XG: variants seen among roughly 807,000 people sequenced by gnomAD.
XG encodes the protein Xg glycoprotein (Xg blood group).
In XG, 24 loss-of-function variants were observed where a neutral mutation model predicts 25.7. The observed-to-expected ratio is 0.93, with a 90% CI of 0.68 to 1.31. XG has a LOEUF of 1.31. XG is among the 40% of genes most tolerant of loss of function. The pLI is 0.00. For synonymous variants in XG, 77 were observed against 69.2 expected (o/e 1.11, Z -0.56); for missense variants, 181 against 187.6 (o/e 0.96, Z 0.21).
rs144684459 is a variant in XG, at chrX:2,759,856, G to A, written c.61+7521G>A. 6.6e-4 allele frequency among the ~76,000 whole-genome samples: 100 copies of A among 152,372 alleles called. 4 individuals are homozygous for A. The East Asian group carries it at 0.015, about 23-fold the overall frequency. ...GATTCCCCCGATGGATCAGGGGCCA[G>A]AGGCACCTAAACCTGTGAGCGATGT... On this transcript the variant is annotated intron_variant, in intron 1 of 10. Transcript: ENST00000644266.
intron 1 of XG, among the ~76,000 whole-genome samples, chrX:2,761,509 G>C (rs1260492277): frequency 6.6e-6 from 1 of 152,132 alleles, no homozygotes; most frequent in Non-Finnish European, 1.5e-5. Flanking sequence ...CATGCACATA[G>C]AGGGATGACC....
At chrX:2,757,613 T>C (rs755926893) in intron 1 of XG, among the ~76,000 whole-genome samples, 4 of 151,974 alleles carry the variant, frequency 2.6e-5, no homozygotes, top group African/African-American at 9.7e-5. Flanking sequence ...GTGCCAAGTA[T>C]TTTTCATTAC....
intron 1 of XG, among the ~76,000 whole-genome samples, chrX:2,757,483 A>T (rs185791403): frequency 6.6e-6 from 1 of 151,876 alleles, no homozygotes; most frequent in Non-Finnish European, 1.5e-5. Context: ...GTGCATTTGT[A>T]TAGAGCTGTG....
At chrX:2,809,166 A>C (rs1285955773) in intron 9 of XG, among the ~76,000 whole-genome samples, 1 of 111,104 alleles carries the variant, frequency 9.0e-6, no homozygotes, top group African/African-American at 3.3e-5. Flanking sequence ...GTGTCAGGGA[A>C]GATGGTGCAC....
At chrX:2,766,028 A>G (rs981703307) in intron 1 of XG, among the ~76,000 whole-genome samples, 1 of 152,274 alleles carries the variant, frequency 6.6e-6, no homozygotes, top group African/African-American at 2.4e-5. Flanking sequence ...TGGTTCATCC[A>G]AGTCTGGACA....
intron 4 of XG, among the ~76,000 whole-genome samples, chrX:2,785,822 G>T (rs748883386): frequency 9.0e-6 from 1 of 111,210 alleles, no homozygotes; most frequent in Non-Finnish European, 1.9e-5. Flanking sequence ...AATGTGTAAC[G>T]TCCCTCCAAG....
intron 3 of XG, among the ~76,000 whole-genome samples, chrX:2,777,668 A>G (rs916472640): frequency 6.6e-6 from 1 of 152,236 alleles, no homozygotes; most frequent in Non-Finnish European, 1.5e-5. Flanking sequence ...AAAAAAGAAG[A>G]AAAGTAAAAT....
chrX:2,789,651 C>T lies in XG; in HGVS notation c.198C>T (p.Tyr66=). The T allele has an allele frequency of 8.6e-7, 1 of 1,169,345 alleles. No individual in the cohort carries two copies. Among genetic ancestry groups the T allele is most frequent in the Non-Finnish European group, 1.1e-6 (1 of 872,331 alleles). Residue 66 remains tyrosine (Y), a synonymous_variant, in exon 5 of 11, where the codon TAC becomes TAT. Coordinates refer to ENST00000644266, the MANE Select transcript of XG (RefSeq NM_001141919.2). ...PENPDSGGNI[Y]PRPKPRPQPQ... is the part of the protein sequence containing the mutation. ...ACTGTTGTTTTCCAACAGATATCTA[C>T]CCAAGGCCAAAGCCACGCCCTCAAC...
chrX:2,775,670 C>T (rs1482928449), intron 3 of XG, among the ~76,000 whole-genome samples: 1 of 151,944 alleles, frequency 6.6e-6, no homozygotes, highest in East Asian at 1.9e-4. Flanking sequence ...AAAAGGTAAC[C>T]TTTGGCTGGG....
chrX:2,753,050 C>A (rs1237561265), intron 1 of XG: 9 of 829,862 alleles, frequency 1.1e-5, no homozygotes, highest in Non-Finnish European at 1.3e-5. Context: ...AAGGGAACAC[C>A]TGGGCGCATC....
chrX:2,808,307 T>G, intron 9 of XG, 87 bp downstream of exon 9: 2 of 1,087,411 alleles, frequency 1.8e-6, no homozygotes, highest in Non-Finnish European at 2.5e-6. Flanking sequence ...GGGCTTCTGT[T>G]TCCCAACCTC....
At chrX:2,760,446 G>A (rs889843105) in intron 1 of XG, among the ~76,000 whole-genome samples, 8 of 151,758 alleles carry the variant, frequency 5.3e-5, no homozygotes, top group African/African-American at 1.9e-4. Context: ...CTTTAAAGAG[G>A]TGATTCAGGC....
intron 3 of XG, among the ~76,000 whole-genome samples, chrX:2,777,854 A>T (rs1331979416): frequency 2.0e-5 from 3 of 152,082 alleles, no homozygotes; most frequent in African/African-American, 7.2e-5. Flanking sequence ...AGGTCAGGAG[A>T]TCGAGACCAT....
At chrX:2,772,549 G>A (rs1408280826) in intron 2 of XG, among the ~76,000 whole-genome samples, 2 of 152,142 alleles carry the variant, frequency 1.3e-5, no homozygotes, top group African/African-American at 2.4e-5. Flanking sequence ...TTGTTGGGCT[G>A]GAAGAGGGGA....
intron 1 of XG, among the ~76,000 whole-genome samples, chrX:2,762,945 G>A (rs2050597515): frequency 6.6e-6 from 1 of 152,180 alleles, no homozygotes; most frequent in Admixed American, 6.5e-5. Flanking sequence ...AAGCAAGAAG[G>A]TGATTGTAGT....
chrX:2,800,710 G>A (rs1024708752), intron 7 of XG, among the ~76,000 whole-genome samples: 31 of 111,622 alleles, frequency 2.8e-4, no homozygotes, highest in African/African-American at 9.5e-4. Context: ...ACTTTTGGCC[G>A]GGCATGGTGG....
At chrX:2,752,795 A>C (rs1335447492) in intron 1 of XG, 13 of 418,768 alleles carry the variant, frequency 3.1e-5, no homozygotes, top group East Asian at 3.1e-4. Flanking sequence ...GAAGGGTTGC[A>C]TTTATTCAGA....
chrX:2,754,337 C>A (rs1438006099), intron 1 of XG, among the ~76,000 whole-genome samples: 1 of 152,144 alleles, frequency 6.6e-6, no homozygotes. Context: ...TCAGCTCAAA[C>A]GATCCTCCTG....
At chrX:2,757,886 C>G (rs1267087958) in intron 1 of XG, among the ~76,000 whole-genome samples, 1 of 146,004 alleles carries the variant, frequency 6.8e-6, no homozygotes, top group Non-Finnish European at 1.5e-5. Context: ...ACAGGAGAAT[C>G]GCTTGAACCC....
Sources: gnomAD v4.1 joint callset for allele counts (sites outside exome capture counted in the v4.1 genomes callset) on GRCh38, gnomAD v4.1.1 for gene constraint, MANE v1.5 for transcripts, NCBI Gene and HGNC (gene_info 2026-07-23, HGNC 2026-07-21) for gene names.